NRG1: variants seen among roughly 807,000 people sequenced by gnomAD.
The protein encoded by NRG1 is neuregulin 1, also known as pro-neuregulin-1, membrane-bound isoform.
Under a neutral mutation model 63.8 loss-of-function variants are expected in NRG1, and 18 were observed. The ratio of observed to expected loss-of-function variants is 0.28; its 90% CI spans 0.19 to 0.42. NRG1 has a LOEUF of 0.42. Ranked by LOEUF, NRG1 falls within the 10% of genes least tolerant of loss-of-function variation. The probability of loss-of-function intolerance (pLI) is 1.00; values close to 1 mark genes in which losing one functional copy is unlikely to be tolerated. For missense variants in NRG1, 762 were observed against 814.7 expected, an observed-to-expected ratio of 0.94 and a Z score of 0.79; for synonymous variants, 302 against 301.3, an observed-to-expected ratio of 1.00 and a Z score of -0.02.
Position 31,986,485 on chromosome 8 carries a change from G to A in NRG1, c.37+347054G>A, listed in dbSNP as rs527372904. 9.2e-5 allele frequency among the ~76,000 whole-genome samples: 14 copies of A among 152,144 alleles called. No homozygotes were observed. The East Asian group carries it at 1.7e-3, about 19-fold the overall frequency. ...ATACAACCGGTAAAGGGTAGAATTGGCATTTGACACAAATTTGACTGCCTC... is the reference window on the plus strand; with the variant it reads ...ATACAACCGGTAAAGGGTAGAATTGACATTTGACACAAATTTGACTGCCTC... On this transcript the variant is annotated intron_variant, in intron 1 of 10. Transcript: ENST00000519301.
chr8:31,925,990 T>C (rs1834329349), intron 1 of NRG1, among the ~76,000 whole-genome samples: 1 of 152,202 alleles, frequency 6.6e-6, no homozygotes, highest in Non-Finnish European at 1.5e-5. Flanking sequence ...TATGTATGCT[T>C]GGTAATTTTG....
At chr8:32,507,517 G>C (rs551478289) in intron 1 of NRG1, among the ~76,000 whole-genome samples, 1 of 152,220 alleles carries the variant, frequency 6.6e-6, no homozygotes, top group South Asian at 2.1e-4. Context: ...AACTTTGCTG[G>C]CTGTGAAAAA....
intron 1 of NRG1, among the ~76,000 whole-genome samples, chr8:31,807,372 C>T (rs1035943157): frequency 4.6e-5 from 7 of 152,076 alleles, no homozygotes; most frequent in African/African-American, 1.2e-4. Flanking sequence ...GTCTTCTCTA[C>T]CTCTCACTAT....
At chr8:32,728,151 T>C (rs1822721251) in intron 6 of NRG1, 73 bp downstream of exon 6, 1 of 1,575,806 alleles carries the variant, frequency 6.3e-7, no homozygotes. Context: ...TCTCATGATG[T>C]ATTGTTGCTT....
chr8:32,238,394 G>T (rs1390464856), intron 1 of NRG1, among the ~76,000 whole-genome samples: 1 of 150,946 alleles, frequency 6.6e-6, no homozygotes, highest in African/African-American at 2.4e-5. Context: ...GGCGGAGATT[G>T]CAGTGAGCCA....
At chr8:31,983,829 G>A (rs924742027) in intron 1 of NRG1, among the ~76,000 whole-genome samples, 2 of 152,090 alleles carry the variant, frequency 1.3e-5, no homozygotes, top group African/African-American at 4.8e-5. Context: ...AAAGAAGACA[G>A]TAAAGATAAT....
intron 1 of NRG1, among the ~76,000 whole-genome samples, chr8:31,648,962 CTTTT>C (rs58167732): frequency 1.5e-5 from 2 of 136,574 alleles, no homozygotes; most frequent in Non-Finnish European, 3.2e-5. Context: ...TTTTTCTTTT[CTTTT>C]TTTTTTTTTT....
intron 1 of NRG1, among the ~76,000 whole-genome samples, chr8:32,452,981 A>G (rs1202138956): frequency 6.6e-6 from 1 of 152,148 alleles, no homozygotes. Context: ...CTATTTTTCC[A>G]TTTTAGAATG....
rs531556015 is a variant in NRG1, at chr8:32,244,255, G to C, written c.38-351573G>C. Among the ~76,000 whole-genome samples, 3 of 152,278 alleles carry C rather than the reference G, an allele frequency of 2.0e-5. No homozygotes were observed. In the South Asian group the frequency reaches 6.2e-4, roughly 32 times the overall value. ...TTGGCAGATTCTTTCCAAGAAAAGT[G>C]ATTTTCAGATCATTCCTTAGGAGCG... On this transcript the variant is annotated intron_variant, in intron 1 of 10. Coordinates refer to the NRG1 transcript ENST00000519301.
At chr8:31,747,081 A>G (rs535630064) in intron 1 of NRG1, among the ~76,000 whole-genome samples, 1 of 151,896 alleles carries the variant, frequency 6.6e-6, no homozygotes, top group Non-Finnish European at 1.5e-5. Context: ...GTTAGAAAGA[A>G]TGCATAAGAC....
chr8:32,153,499 A>G (rs939645302), intron 1 of NRG1, among the ~76,000 whole-genome samples: 3 of 152,214 alleles, frequency 2.0e-5, no homozygotes, highest in Admixed American at 1.3e-4. Flanking sequence ...CAAGGTAATT[A>G]TTGGTATGCA....
chr8:32,072,261 A>G (rs957116545), intron 1 of NRG1, among the ~76,000 whole-genome samples: 1 of 151,600 alleles, frequency 6.6e-6, no homozygotes, highest in African/African-American at 2.4e-5. Context: ...AAAAAAAATA[A>G]GAAACCCAAA....
rs1848451487 is a variant in NRG1, at chr8:32,622,143, C to T, written c.502+5258C>T. ...CTGAGGACAATCGCGGTGGCTCATG[C>T]TTGTAATCCTAGCACTTTGGGAGGC... is the stretch of plus-strand genomic sequence containing the variant. On this transcript the variant is annotated intron_variant, in intron 5 of 11. Coordinates refer to ENST00000356819, the Ensembl canonical transcript of NRG1. 1.3e-5 allele frequency among the ~76,000 whole-genome samples: 2 copies of T among 152,096 alleles called. 1 individual carries two copies. The highest frequency in any genetic ancestry group is 4.1e-4 in the South Asian group (2 of 4,820).
intron 1 of NRG1, among the ~76,000 whole-genome samples, chr8:31,716,083 T>TA (rs1364659373): frequency 1.3e-5 from 2 of 152,196 alleles, no homozygotes; most frequent in African/African-American, 4.8e-5. Flanking sequence ...TAGATTTTCA[T>TA]AAACTGACAG....
intron 1 of NRG1, among the ~76,000 whole-genome samples, chr8:32,518,375 T>C (rs748917146): frequency 1.3e-5 from 2 of 152,202 alleles, no homozygotes; most frequent in Non-Finnish European, 2.9e-5. Context: ...GAAAATTCTA[T>C]TTTGAAATCC....
At chr8:32,651,588 A>G (rs1418609177) in intron 5 of NRG1, among the ~76,000 whole-genome samples, 1 of 152,152 alleles carries the variant, frequency 6.6e-6, no homozygotes, top group Non-Finnish European at 1.5e-5. Context: ...CTGCTTGACA[A>G]CAGATTCTTG....
At chr8:32,770,555 G>A (rs1050946248), downstream of NRG1, among the ~76,000 whole-genome samples, 1 of 152,128 alleles carries the variant, frequency 6.6e-6, no homozygotes, top group African/African-American at 2.4e-5. Context: ...TCTAGCTTTG[G>A]TTTAGAGTGA....
intron 1 of NRG1, among the ~76,000 whole-genome samples, chr8:32,322,945 C>G (rs569388486): frequency 6.6e-5 from 10 of 151,740 alleles, no homozygotes; most frequent in South Asian, 6.3e-4. Context: ...TTTCACCACT[C>G]TATCTAAGCA....
chr8:32,675,046 T>C (rs1739138595), intron 5 of NRG1, among the ~76,000 whole-genome samples: 3 of 152,194 alleles, frequency 2.0e-5, no homozygotes, highest in African/African-American at 7.2e-5. Context: ...TTTCATGCTT[T>C]GCACCAGTTC....
Sources: allele counts gnomAD v4.1 joint callset (sites outside exome capture counted in the v4.1 genomes callset), GRCh38; gene constraint gnomAD v4.1.1; transcripts MANE v1.5; gene names NCBI Gene and HGNC (gene_info 2026-07-23, HGNC 2026-07-21).